RO60: variants seen among roughly 807,000 people sequenced by gnomAD.
RO60 encodes RNA-binding protein RO60.
RO60 carries 20 observed loss-of-function variants against 55.3 expected under a neutral mutation model. The ratio of observed to expected loss-of-function variants is 0.36; its 90% confidence interval spans 0.25 to 0.53. The LOEUF (loss-of-function observed/expected upper bound fraction) is 0.53. Ranked by LOEUF, RO60 falls within the 20% of genes least tolerant of loss-of-function variation. RO60 has a pLI of 0.92. For missense variants in RO60, 558 were observed against 646.6 expected (o/e 0.86, Z 1.49); for synonymous variants, 213 against 213.6 (o/e 1.00, Z 0.02).
At chr1:193,072,760 A>C (rs986349842) in intron 2 of RO60, among the ~76,000 whole-genome samples, 5 of 152,198 alleles carry the variant, frequency 3.3e-5, no homozygotes, top group African/African-American at 1.2e-4. Context: ...TACTAGTTCT[A>C]ACTGGACCAA....
At chr1:193,071,610 G>GTAC (rs1253278965) in intron 2 of RO60, among the ~76,000 whole-genome samples, 4 of 151,866 alleles carry the variant, frequency 2.6e-5, no homozygotes, top group African/African-American at 9.7e-5. Flanking sequence ...AAAGGGATCA[G>GTAC]TGTACCCACA....
intron 7 of RO60, 70 bp downstream of exon 7, chr1:193,082,369 G>A: frequency 7.3e-7 from 1 of 1,363,734 alleles, no homozygotes; most frequent in South Asian, 1.3e-5. Flanking sequence ...TTATATTGAT[G>A]TCATGTATGG....
intron 1 of RO60, among the ~76,000 whole-genome samples, chr1:193,064,888 C>T (rs183601851): frequency 9.3e-4 from 142 of 152,326 alleles, no homozygotes; most frequent in African/African-American, 3.2e-3. Flanking sequence ...GCTGCTTGCT[C>T]TAGAGAAGTA....
intron 6 of RO60, 37 bp downstream of exon 6, chr1:193,081,517 CAT>C: frequency 8.2e-7 from 1 of 1,214,410 alleles, no homozygotes; most frequent in Non-Finnish European, 1.2e-6. Flanking sequence ...ATTCTAAAAA[CAT>C]GTTTACTGTA....
At chr1:193,071,237 A>G (rs547516814) in intron 2 of RO60, among the ~76,000 whole-genome samples, 1 of 152,292 alleles carries the variant, frequency 6.6e-6, no homozygotes, top group Admixed American at 6.5e-5. Context: ...TGTGCAGCCC[A>G]GTTCCTAACA....
rs1674806271 is a variant in RO60 at position 193,090,287 on chromosome 1, A to G, written c.*5556A>G. On this transcript the variant is annotated 3_prime_UTR_variant, in exon 9 of 9. Transcript: ENST00000400968. The stretch of plus-strand genomic sequence containing the variant: ...GTTTTAAATATCATTACCAGATATA[A>G]TTGAGGGAATATTATATCAACAAAC... 6.6e-6 allele frequency: 1 copy of G among 152,104 alleles called. No homozygotes were observed. The highest frequency in any genetic ancestry group is 2.4e-5 in the African/African-American group (1 of 41,434). 9.4% of individuals were successfully genotyped at this position (152,104 alleles called of 1,614,324 possible). A position where few individuals can be genotyped will look rare whatever the true frequency, so the allele number is the denominator to read the frequency against.
chr1:193,062,856 A>G (rs1672871248), intron 1 of RO60, among the ~76,000 whole-genome samples: 1 of 152,230 alleles, frequency 6.6e-6, no homozygotes, highest in Admixed American at 6.5e-5. Context: ...TGTGTCATGT[A>G]TCACTACTTC....
chr1:193,078,196 T>C (rs759826287), intron 5 of RO60, among the ~76,000 whole-genome samples: 18 of 152,194 alleles, frequency 1.2e-4, no homozygotes, highest in Non-Finnish European at 2.2e-4. Flanking sequence ...TTTCACAAAT[T>C]TCAACATTCC....
intron 1 of RO60, chr1:193,060,152 T>G: frequency 2.6e-6 from 3 of 1,173,044 alleles, no homozygotes; most frequent in Non-Finnish European, 2.2e-6. Context: ...GGATCTGGGT[T>G]TTGGAAGAAG....
chr1:193,086,411 C>T lies in RO60; in HGVS notation c.*1680C>T, dbSNP rs1204772564. 6.6e-6 allele frequency: 1 copy of T among 152,110 alleles called. No individual in the cohort carries two copies. The highest frequency in any genetic ancestry group is 1.9e-4 in the East Asian group (1 of 5,196). 9.4% of individuals were successfully genotyped at this position (152,110 alleles called of 1,614,324 possible). A position where few individuals can be genotyped will look rare whatever the true frequency, so the allele number is the denominator to read the frequency against. On this transcript the variant is annotated 3_prime_UTR_variant, in exon 9 of 9. Coordinates refer to ENST00000400968, the MANE Select transcript of RO60 (RefSeq NM_001173524.2). ...CAGCAAAGCTCATAGCACCCTCACC[C>T]CCACTCCAGACATGCATTGCTTCTG...
intron 5 of RO60, among the ~76,000 whole-genome samples, chr1:193,080,956 C>T (rs1238015435): frequency 1.3e-5 from 2 of 152,106 alleles, no homozygotes; most frequent in Non-Finnish European, 2.9e-5. Flanking sequence ...AGTTACACAA[C>T]ATTGCGAATG....
chr1:193,076,957 C>T lies in RO60; in HGVS notation c.993C>T (p.Tyr331=), dbSNP rs962837942. 2.5e-6 allele frequency: 4 copies of T among 1,612,948 alleles called. No homozygotes were observed. Among genetic ancestry groups the T allele is most frequent in the East Asian group, 2.2e-5 (1 of 44,804 alleles). ...ATATTTTGATCGCATTAGAAACTTACAAGACAGGTCATGGTCTCAGAGGGA... is the reference window on the plus strand; with the variant it reads ...ATATTTTGATCGCATTAGAAACTTATAAGACAGGTCATGGTCTCAGAGGGA... ...PFHILIALET[Y]KTGHGLRGKL... is the part of the protein sequence containing the mutation. Residue 331 remains tyrosine (Y), a synonymous_variant, in exon 5 of 9, where the codon TAC becomes TAT. Coordinates refer to ENST00000400968, the MANE Select transcript of RO60 (RefSeq NM_001173524.2).
At chr1:193,066,185 A>T (rs1216521431) in intron 1 of RO60, among the ~76,000 whole-genome samples, 1 of 152,236 alleles carries the variant, frequency 6.6e-6, no homozygotes, top group Non-Finnish European at 1.5e-5. Context: ...CTCTAAGCTC[A>T]TTCTCATTTC....
chr1:193,091,589 A>C (rs1674860698), downstream of RO60: 39 of 1,324,688 alleles, frequency 2.9e-5, no homozygotes, highest in South Asian at 4.7e-4. Context: ...TTAATGTATT[A>C]CATTTGTTTC....
At chr1:193,065,197 TTAAG>T (rs1406008311) in intron 1 of RO60, among the ~76,000 whole-genome samples, 2 of 152,170 alleles carry the variant, frequency 1.3e-5, no homozygotes, top group African/African-American at 4.8e-5. Flanking sequence ...ATATTTGGCT[TTAAG>T]TATGTATTGC....
chr1:193,069,504 G>A lies in RO60; in HGVS notation c.450G>A (p.Lys150=). 6.2e-7 allele frequency: 1 copy of A among 1,614,196 alleles called. No individual in the cohort carries two copies. Among genetic ancestry groups the A allele is most frequent in the Non-Finnish European group, 8.5e-7 (1 of 1,180,036 alleles). Residue 150 remains lysine (K), a synonymous_variant, in exon 2 of 9, where the codon AAG becomes AAA. Transcript: ENST00000400968. ...GCATGTGGGGTCGTGCCCTCCGGAA[G>A]GCTATAGCGGACTGGTACAATGAGA... ...KCGMWGRALR[K]AIADWYNEKG... is the part of the protein sequence containing the mutation.
Position 193,085,129 on chromosome 1 carries a change from G to A in RO60, c.*398G>A. On this transcript the variant is annotated 3_prime_UTR_variant, in exon 9 of 9. Transcript: ENST00000400968. ...GTTTTCATTGGGAAAGGACAGCTTT[G>A]ATAATGTCCAAATACTCTGAAATGC... is the stretch of plus-strand genomic sequence containing the variant. 1 of 1,412,118 alleles carries A rather than the reference G, an allele frequency of 7.1e-7. No homozygotes were observed. Among genetic ancestry groups the A allele is most frequent in the Non-Finnish European group, 9.2e-7 (1 of 1,083,880 alleles). 87.5% of individuals were successfully genotyped at this position (1,412,118 alleles called of 1,614,324 possible). A position where few individuals can be genotyped will look rare whatever the true frequency, so the allele number is the denominator to read the frequency against.
At position 193,086,066 on chromosome 1, in the gene RO60, A is replaced by G. The variant is rs1043295521; in HGVS notation, c.*1335A>G. The G allele has an allele frequency of 8.1e-5, 79 of 969,482 alleles. No homozygotes were observed. The highest frequency in any genetic ancestry group is 9.1e-5 in the Non-Finnish European group (74 of 815,746). 60.1% of individuals were successfully genotyped at this position (969,482 alleles called of 1,614,324 possible). On this transcript the variant is annotated 3_prime_UTR_variant, in exon 9 of 9. Transcript: ENST00000400968. ...TGTTTGCGTATCTGTTGTTCTCTAA[A>G]TATTAATTGAAGATTTACTGAGGAT...
rs1674556949 is a variant in RO60 at position 193,084,965 on chromosome 1, T to A, written c.*234T>A. The stretch of plus-strand genomic sequence containing the variant: ...TCAGGATACTGTAGTTTCCTCTATC[T>A]AATAGAGAACTTTTTGTTAACAGAC... On this transcript the variant is annotated 3_prime_UTR_variant, in exon 9 of 9. Coordinates refer to ENST00000400968, the MANE Select transcript of RO60 (RefSeq NM_001173524.2). The A allele has an allele frequency of 6.5e-7, 1 of 1,544,848 alleles. No individual in the cohort carries two copies. Among genetic ancestry groups the A allele is most frequent in the Non-Finnish European group, 8.7e-7 (1 of 1,145,280 alleles).
Sources: gnomAD v4.1 joint callset for allele counts (sites outside exome capture counted in the v4.1 genomes callset) on GRCh38, gnomAD v4.1.1 for gene constraint, MANE v1.5 for transcripts, NCBI Gene and HGNC (gene_info 2026-07-23, HGNC 2026-07-21) for gene names.